KCNMA1: variants seen among roughly 807,000 people sequenced by gnomAD.
KCNMA1 encodes the protein Calcium-activated potassium channel subunit alpha-1.
KCNMA1 carries 29 observed loss-of-function variants against 140.0 expected under a neutral mutation model. The ratio of observed to expected loss-of-function variants is 0.21; its 90% CI spans 0.15 to 0.28. KCNMA1 has a LOEUF of 0.28. Ranked by LOEUF, KCNMA1 falls within the 10% of genes least tolerant of loss-of-function variation. KCNMA1 has a pLI of 1.00. For synonymous variants in KCNMA1, 612 were observed against 611.9 expected, an observed-to-expected ratio of 1.00 and a Z score of 0.00; for missense variants, 880 against 1,602.2, an observed-to-expected ratio of 0.55 and a Z score of 7.70.
At chr10:77,407,629 C>T (rs2096514739) in intron 1 of KCNMA1, among the ~76,000 whole-genome samples, 1 of 152,214 alleles carries the variant, frequency 6.6e-6, no homozygotes. Flanking sequence ...GAGAGCCCAC[C>T]TGGGCTTGTA....
At chr10:77,404,160 A>G in intron 1 of KCNMA1, 137 bp from the exon 2 acceptor site, 3 of 725,638 alleles carry the variant, frequency 4.1e-6, no homozygotes, top group Non-Finnish European at 7.1e-6. Context: ...AGTAAAGCAG[A>G]AGGGGTAAAT....
rs541656158 is a variant in KCNMA1 at position 77,078,689 on chromosome 10, T to G, written c.1593+792A>C. 7.7e-4 allele frequency among the ~76,000 whole-genome samples: 117 copies of G among 152,328 alleles called. 1 individual carries two copies. Among genetic ancestry groups the G allele is most frequent in the African/African-American group, 2.7e-3 (114 of 41,574 alleles). Reference sequence around the variant, plus strand: ...CACTTGCCTGGAGCATTCTACACCTTAACTGCTAAATCCCCGAGGACACAA... The same window carrying G: ...CACTTGCCTGGAGCATTCTACACCTGAACTGCTAAATCCCCGAGGACACAA... On this transcript the variant is annotated intron_variant, in intron 13 of 27. Transcript: ENST00000286628.
intron 14 of KCNMA1, among the ~76,000 whole-genome samples, chr10:77,040,007 G>A (rs955122294): frequency 3.5e-5 from 5 of 144,618 alleles, no homozygotes; most frequent in Non-Finnish European, 7.5e-5. Context: ...CTCAGCCTCT[G>A]GAGTAGCTGG....
At chr10:77,554,907 G>T (rs1375988317) in intron 1 of KCNMA1, among the ~76,000 whole-genome samples, 4 of 152,190 alleles carry the variant, frequency 2.6e-5, no homozygotes, top group African/African-American at 9.7e-5. Context: ...AGGTGAAGGG[G>T]ATAGCCAATC....
intron 17 of KCNMA1, among the ~76,000 whole-genome samples, chr10:77,016,466 C>T (rs1039961311): frequency 9.9e-5 from 15 of 152,144 alleles, no homozygotes; most frequent in Middle Eastern, 3.4e-3. Context: ...ATTTGATGGG[C>T]GAATGAATGA....
chr10:77,148,991 A>C (rs2098368180), intron 5 of KCNMA1, among the ~76,000 whole-genome samples: 1 of 152,162 alleles, frequency 6.6e-6, no homozygotes, highest in Non-Finnish European at 1.5e-5. Flanking sequence ...ACCTAATATC[A>C]TGCTATTTTT....
At chr10:77,099,570 TG>T (rs1248757225) in intron 9 of KCNMA1, among the ~76,000 whole-genome samples, 2 of 151,892 alleles carry the variant, frequency 1.3e-5, no homozygotes, top group East Asian at 3.9e-4. Context: ...CAAAATTAGC[TG>T]GGCATGGTGG....
chr10:77,382,695 T>A (rs977399859), intron 2 of KCNMA1, among the ~76,000 whole-genome samples: 1 of 151,320 alleles, frequency 6.6e-6, no homozygotes, highest in Non-Finnish European at 1.5e-5. Flanking sequence ...TAAAACCCTG[T>A]CTCTACTAAA....
chr10:77,548,341 C>T (rs1192222354), intron 1 of KCNMA1, among the ~76,000 whole-genome samples: 1 of 152,176 alleles, frequency 6.6e-6, no homozygotes, highest in Non-Finnish European at 1.5e-5. Flanking sequence ...GGAAGCCTAA[C>T]GTGGACAACG....
At chr10:76,924,582 C>T (rs1293100371) in intron 23 of KCNMA1, among the ~76,000 whole-genome samples, 1 of 152,112 alleles carries the variant, frequency 6.6e-6, no homozygotes, top group Non-Finnish European at 1.5e-5. Context: ...AGCTGATGAA[C>T]ATGATGGATG....
intron 13 of KCNMA1, among the ~76,000 whole-genome samples, chr10:77,077,492 C>A (rs1057147976): frequency 6.6e-6 from 1 of 152,204 alleles, no homozygotes. Context: ...GGATCCCAGG[C>A]CGGCTGAGCT....
chr10:76,922,418 C>T (rs1259853179), intron 23 of KCNMA1, among the ~76,000 whole-genome samples: 2 of 152,106 alleles, frequency 1.3e-5, no homozygotes, highest in Non-Finnish European at 2.9e-5. Flanking sequence ...AACTCCGCCC[C>T]CACCCTGGAA....
chr10:76,935,083 A>C (rs1175915023), intron 23 of KCNMA1, among the ~76,000 whole-genome samples: 1 of 152,176 alleles, frequency 6.6e-6, no homozygotes, highest in African/African-American at 2.4e-5. Context: ...AGTGCTTCAC[A>C]TTGCCCCCAG....
intron 3 of KCNMA1, among the ~76,000 whole-genome samples, chr10:77,209,395 A>C (rs185402944): frequency 6.6e-6 from 1 of 152,314 alleles, no homozygotes; most frequent in Admixed American, 6.5e-5. Context: ...TCATGTACCA[A>C]ATTCTTGGTT....
intron 5 of KCNMA1, among the ~76,000 whole-genome samples, chr10:77,122,117 G>GGGCA (rs71305692): frequency 0.021 from 3,262 of 152,296 alleles, 54 homozygotes; most frequent in South Asian, 0.051. Context: ...GGGCAGCCTA[G>GGGCA]GGCACAGTGG....
chr10:77,589,032 A>G (rs963033832), intron 1 of KCNMA1, among the ~76,000 whole-genome samples: 4 of 152,228 alleles, frequency 2.6e-5, no homozygotes, highest in South Asian at 2.1e-4. Flanking sequence ...ACATAGCACA[A>G]AAGTGGCCAT....
At chr10:76,910,592 C>T (rs188816498) in intron 24 of KCNMA1, 430 of 244,582 alleles carry the variant, frequency 1.8e-3, no homozygotes, top group East Asian at 7.0e-3. Context: ...AGGCATAACC[C>T]GCAGCCTACC....
At chr10:77,547,743 C>T (rs770490456) in intron 1 of KCNMA1, among the ~76,000 whole-genome samples, 3 of 152,216 alleles carry the variant, frequency 2.0e-5, no homozygotes, top group Non-Finnish European at 4.4e-5. Flanking sequence ...TTATCTGACT[C>T]AAGCAGCACC....
At chr10:77,506,244 C>T (rs1397463662) in intron 1 of KCNMA1, among the ~76,000 whole-genome samples, 4 of 152,120 alleles carry the variant, frequency 2.6e-5, no homozygotes, top group Non-Finnish European at 5.9e-5. Context: ...TCAGATGACC[C>T]TGATGGGCAG....
Sources: gnomAD v4.1 joint callset for allele counts (sites outside exome capture counted in the v4.1 genomes callset) on GRCh38, gnomAD v4.1.1 for gene constraint, MANE v1.5 for transcripts, NCBI Gene and HGNC (gene_info 2026-07-23, HGNC 2026-07-21) for gene names.